The following GPR137C variants were observed in gnomAD, a reference collection of about 807,000 sequenced individuals.
GPR137C encodes the protein integral membrane protein GPR137C.
Under a neutral mutation model 43.4 loss-of-function variants are expected in GPR137C, and 27 were observed. The ratio of observed to expected loss-of-function variants is 0.62; its 90% confidence interval spans 0.46 to 0.86. The LOEUF (loss-of-function observed/expected upper bound fraction) is 0.86, where lower values mean the gene tolerates loss of function less well. Among genes scored for constraint, GPR137C ranks in the 40% least tolerant of loss-of-function variants. The probability of loss-of-function intolerance (pLI) is 0.00; values close to 1 mark genes in which losing one functional copy is unlikely to be tolerated. For missense variants in GPR137C, 522 were observed against 534.6 expected (o/e 0.98, Z 0.23); for synonymous variants, 285 against 226.9 (o/e 1.26, Z -2.30).
intron 3 of GPR137C, among the ~76,000 whole-genome samples, chr14:52,603,661 A>G (rs2038951882): frequency 6.6e-6 from 1 of 151,912 alleles, no homozygotes; most frequent in Non-Finnish European, 1.5e-5. Flanking sequence ...CAGCCTCCCG[A>G]GTAGCTGGGA....
Position 52,636,886 on chromosome 14 carries a change from G to T in GPR137C, c.*1771G>T, listed in dbSNP as rs773887072. The T allele has an allele frequency of 8.5e-5, 13 of 152,090 alleles. No individual in the cohort carries two copies. The highest frequency in any genetic ancestry group is 1.5e-4 in the Non-Finnish European group (10 of 67,968). The allele number at this position is 152,090 out of a possible 1,614,324, so 9.4% of individuals were successfully genotyped here. On this transcript the variant is annotated 3_prime_UTR_variant, in exon 7 of 7. Coordinates refer to ENST00000321662, the MANE Select transcript of GPR137C (RefSeq NM_001099652.2). Reference sequence around the variant, plus strand: ...ACTTTTATTACAACTCCAGTTGTTAGATTGCTTCTCAGAATGCTAACTGTT... The same window carrying T: ...ACTTTTATTACAACTCCAGTTGTTATATTGCTTCTCAGAATGCTAACTGTT...
Position 52,591,920 on chromosome 14 carries a change from A to G in GPR137C, c.445-6352A>G, listed in dbSNP as rs563082289. On this transcript the variant is annotated intron_variant, in intron 1 of 6. Coordinates refer to ENST00000321662, the MANE Select transcript of GPR137C (RefSeq NM_001099652.2). ...TGCCCATGCCTACGTCCTGAATGGTATTGCCTAGGTTTTCTTCTAGGGTTT... is the reference window on the plus strand; with the variant it reads ...TGCCCATGCCTACGTCCTGAATGGTGTTGCCTAGGTTTTCTTCTAGGGTTT... 4.6e-5 allele frequency among the ~76,000 whole-genome samples: 7 copies of G among 152,236 alleles called. No homozygotes were observed. In the South Asian group the frequency reaches 1.4e-3, roughly 32 times the overall value.
chr14:52,632,233 A>G lies in GPR137C; in HGVS notation c.791A>G (p.Asn264Ser). 6.2e-7 allele frequency: 1 copy of G among 1,609,536 alleles called. No individual in the cohort carries two copies. Among genetic ancestry groups the G allele is most frequent in the Non-Finnish European group, 8.5e-7 (1 of 1,175,916 alleles). ...ILLYSSRACY[N>S]LVVVTISQDT... ...CTGTACTCTTCCAGAGCTTGTTATA[A>G]TTTGGTGGTGGTCACCATATCTCAG... The change falls in exon 4 of 7, where the codon AAT (asparagine) becomes AGT (serine). Residue 264 changes from asparagine to serine, a missense_variant. Coordinates refer to ENST00000321662, the MANE Select transcript of GPR137C (RefSeq NM_001099652.2).
chr14:52,563,131 C>T (rs1331410181), intron 1 of GPR137C, among the ~76,000 whole-genome samples: 2 of 152,104 alleles, frequency 1.3e-5, no homozygotes, highest in Non-Finnish European at 2.9e-5. Flanking sequence ...GCAATTGACC[C>T]CCCATATCTT....
intron 1 of GPR137C, among the ~76,000 whole-genome samples, chr14:52,586,720 A>C (rs1681236395): frequency 6.6e-6 from 1 of 152,112 alleles, no homozygotes; most frequent in African/African-American, 2.4e-5. Context: ...AGGTGACTGT[A>C]ATTTCCTTCT....
chr14:52,567,659 T>C (rs1045839025), intron 1 of GPR137C, among the ~76,000 whole-genome samples: 3 of 146,548 alleles, frequency 2.0e-5, no homozygotes, highest in Non-Finnish European at 3.0e-5. Flanking sequence ...CTTTTTTTTT[T>C]TGGTTTTTTT....
intron 1 of GPR137C, among the ~76,000 whole-genome samples, chr14:52,571,661 T>TC (rs1200265457): frequency 6.6e-6 from 1 of 151,852 alleles, no homozygotes; most frequent in Non-Finnish European, 1.5e-5. Flanking sequence ...CGTGTGAGAC[T>TC]CCATCTCAAA....
intron 3 of GPR137C, among the ~76,000 whole-genome samples, chr14:52,627,873 T>C (rs564823574): frequency 3.9e-5 from 6 of 152,088 alleles, no homozygotes; most frequent in Non-Finnish European, 2.9e-5. Context: ...AAATAAAAAA[T>C]AAAGTAGTGC....
intron 6 of GPR137C, 54 bp from the exon 7 acceptor site, chr14:52,634,884 C>A: frequency 1.4e-6 from 2 of 1,460,858 alleles, no homozygotes; most frequent in Non-Finnish European, 1.9e-6. Flanking sequence ...TCAAATGTGA[C>A]TTCTTATATC....
chr14:52,619,178 TTTC>T (rs1271545870), intron 3 of GPR137C, among the ~76,000 whole-genome samples: 2 of 152,158 alleles, frequency 1.3e-5, no homozygotes, highest in Non-Finnish European at 2.9e-5. Context: ...CAATCAAATA[TTTC>T]TTATCTTTCA....
intron 1 of GPR137C, among the ~76,000 whole-genome samples, chr14:52,571,596 C>T (rs576551591): frequency 2.0e-5 from 3 of 152,210 alleles, no homozygotes; most frequent in South Asian, 2.1e-4. Context: ...ATCACTTGAA[C>T]CCGGGAGGTG....
Position 52,631,331 on chromosome 14 carries a change from C to T in GPR137C, c.718-829C>T, listed in dbSNP as rs925395619. Among the ~76,000 whole-genome samples, 25 of 152,058 alleles carry T rather than the reference C, an allele frequency of 1.6e-4. 1 individual carries two copies. Among genetic ancestry groups the T allele is most frequent in the African/African-American group, 5.8e-4 (24 of 41,406 alleles). On this transcript the variant is annotated intron_variant, in intron 3 of 6. Coordinates refer to ENST00000321662, the MANE Select transcript of GPR137C (RefSeq NM_001099652.2). ...GTTGTGCACTAAATGCCATAATTGCCCCTTAATCATTGTGACAACCAAACA... is the reference window on the plus strand; with the variant it reads ...GTTGTGCACTAAATGCCATAATTGCTCCTTAATCATTGTGACAACCAAACA...
intron 1 of GPR137C, chr14:52,597,084 C>A (rs1566616019): frequency 4.8e-6 from 2 of 420,924 alleles, no homozygotes; most frequent in Non-Finnish European, 9.7e-6. Flanking sequence ...TCTATCTTTG[C>A]CTGATGATTC....
intron 3 of GPR137C, among the ~76,000 whole-genome samples, chr14:52,626,260 T>C (rs2039226338): frequency 6.6e-6 from 1 of 152,164 alleles, no homozygotes; most frequent in Non-Finnish European, 1.5e-5. Context: ...ACTTACAGAC[T>C]AGTGTCCCTA....
chr14:52,602,063 A>G (rs530186034), intron 3 of GPR137C, among the ~76,000 whole-genome samples: 2 of 150,832 alleles, frequency 1.3e-5, no homozygotes, highest in East Asian at 1.9e-4. Context: ...GTGTTCACCT[A>G]TGAAGGTAGA....
intron 1 of GPR137C, among the ~76,000 whole-genome samples, chr14:52,585,011 CT>C (rs1486166008): frequency 6.6e-6 from 1 of 152,072 alleles, no homozygotes; most frequent in Non-Finnish European, 1.5e-5. Flanking sequence ...TCAATATATT[CT>C]TTTATAACCT....
At chr14:52,592,078 G>T (rs1249478241) in intron 1 of GPR137C, among the ~76,000 whole-genome samples, 1 of 152,194 alleles carries the variant, frequency 6.6e-6, no homozygotes, top group East Asian at 1.9e-4. Flanking sequence ...TTATTACATA[G>T]GGAATCCTTT....
chr14:52,578,841 G>A (rs1379647139), intron 1 of GPR137C, among the ~76,000 whole-genome samples: 1 of 152,180 alleles, frequency 6.6e-6, no homozygotes, highest in Non-Finnish European at 1.5e-5. Context: ...CTACTCAGGA[G>A]GCTGAGGCTG....
chr14:52,577,792 A>T (rs1441797782), intron 1 of GPR137C, among the ~76,000 whole-genome samples: 2 of 131,356 alleles, frequency 1.5e-5, no homozygotes, highest in Non-Finnish European at 3.2e-5. Context: ...GCAAAACACC[A>T]TCTCTACAAA....
Sources: allele counts gnomAD v4.1 joint callset (sites outside exome capture counted in the v4.1 genomes callset), GRCh38; gene constraint gnomAD v4.1.1; transcripts MANE v1.5; gene names NCBI Gene and HGNC (gene_info 2026-07-23, HGNC 2026-07-21).